SPAST: variants seen among roughly 807,000 people sequenced by gnomAD.
The protein encoded by SPAST is spastin, also known as spastic paraplegia 4 (autosomal dominant; spastin).
Under a neutral mutation model 76.6 loss-of-function variants are expected in SPAST, and 30 were observed. That is an observed-to-expected ratio of 0.39 (90% confidence interval 0.29 to 0.53). The LOEUF is 0.53. Among genes scored for constraint, SPAST ranks in the 20% least tolerant of loss-of-function variants. The pLI is 0.68. For synonymous variants in SPAST, 305 were observed against 281.0 expected (o/e 1.09, Z -0.86); for missense variants, 717 against 770.5 (o/e 0.93, Z 0.82).
intron 4 of SPAST, among the ~76,000 whole-genome samples, chr2:32,103,390 A>G (rs983335832): frequency 2.4e-4 from 37 of 151,852 alleles, no homozygotes; most frequent in Non-Finnish European, 2.2e-4. Flanking sequence ...GCAGTCTATC[A>G]GTTTTGTTGA....
At position 32,101,483 on chromosome 2, in the gene SPAST, A is replaced by T. The variant is rs530855303; in HGVS notation, c.682+2592A>T. Among the ~76,000 whole-genome samples, 836 of 152,134 alleles carry T rather than the reference A, an allele frequency of 5.5e-3. 2 individuals carry two copies. The highest frequency in any genetic ancestry group is 0.01 in the Middle Eastern group (3 of 294). On this transcript the variant is annotated intron_variant, in intron 4 of 16. Coordinates refer to ENST00000315285, the MANE Select transcript of SPAST (RefSeq NM_014946.4). ...TTAGTTTAATTAGATCCCATTTGTC[A>T]ATTTTGGCTTTTGTTGCCATTGCTT...
chr2:32,066,636 C>G (rs1676522271), intron 1 of SPAST, among the ~76,000 whole-genome samples: 1 of 151,800 alleles, frequency 6.6e-6, no homozygotes, highest in Admixed American at 6.6e-5. Context: ...CCACTACACT[C>G]CAGCCTGGGC....
intron 1 of SPAST, among the ~76,000 whole-genome samples, chr2:32,071,711 C>T (rs1166504718): frequency 6.6e-6 from 1 of 152,172 alleles, no homozygotes; most frequent in African/African-American, 2.4e-5. Context: ...TTCTGATTGG[C>T]AATTGGTCAA....
chr2:32,072,871 T>A (rs1426256004), intron 1 of SPAST, among the ~76,000 whole-genome samples: 1 of 152,204 alleles, frequency 6.6e-6, no homozygotes, highest in African/African-American at 2.4e-5. Flanking sequence ...ATGATTCTAC[T>A]TTGAAGTTTC....
intron 12 of SPAST, among the ~76,000 whole-genome samples, chr2:32,138,677 T>C (rs1679620227): frequency 6.6e-6 from 1 of 152,314 alleles, no homozygotes. Context: ...TAGGTCCCAC[T>C]TGTCAATTTT....
intron 3 of SPAST, among the ~76,000 whole-genome samples, chr2:32,096,596 C>G (rs1395003132): frequency 1.3e-5 from 2 of 152,072 alleles, no homozygotes; most frequent in Non-Finnish European, 2.9e-5. Flanking sequence ...ACATATAAAT[C>G]TGAATTCTGT....
chr2:32,115,557 A>G, intron 5 of SPAST, 145 bp from the exon 6 acceptor site: 1 of 590,908 alleles, frequency 1.7e-6, no homozygotes, highest in South Asian at 2.4e-5. Flanking sequence ...TTTTACCTTC[A>G]GGTAAATAAA....
rs1553394618 is a variant in SPAST at position 32,064,180 on chromosome 2, C to G, written c.349C>G (p.Arg117Gly). The G allele has an allele frequency of 1.3e-6, 2 of 1,551,522 alleles. No homozygotes were observed. Among genetic ancestry groups the G allele is most frequent in the South Asian group, 2.4e-5 (2 of 84,364 alleles). The change falls in exon 1 of 17, where the codon CGA (arginine) becomes GGA (glycine). Residue 117 changes from arginine (R) to glycine (G), a missense_variant. Physicochemically the swap from Arg to Gly is moderately radical, Grantham distance 125. Transcript: ENST00000315285. ...GCCGGGCGGCGAGGCCGAGCGCGTC[C>G]GAGTCTTCCACAAACAGGCCTTCGA... ...PVPGGEAERV[R>G]VFHKQAFEYI...
At chr2:32,149,860 T>C (rs992298469) in intron 16 of SPAST, among the ~76,000 whole-genome samples, 36 of 152,252 alleles carry the variant, frequency 2.4e-4, no homozygotes, top group Non-Finnish European at 2.9e-5. Context: ...CGAGAGATAC[T>C]GAGGGACAGC....
At chr2:32,113,754 A>G (rs186552922) in intron 4 of SPAST, among the ~76,000 whole-genome samples, 1 of 150,868 alleles carries the variant, frequency 6.6e-6, no homozygotes, top group African/African-American at 2.4e-5. Context: ...TTTAGCAGAG[A>G]CGAGGTTTCA....
intron 8 of SPAST, 118 bp downstream of exon 8, chr2:32,127,140 C>G: frequency 1.3e-6 from 1 of 773,452 alleles, no homozygotes; most frequent in Non-Finnish European, 2.3e-6. Flanking sequence ...CTATTGTACA[C>G]TTTTGTTTTT....
At chr2:32,098,741 T>G in intron 3 of SPAST, 55 bp from the exon 4 acceptor site, 1 of 1,151,180 alleles carries the variant, frequency 8.7e-7, no homozygotes, top group Non-Finnish European at 1.3e-6. Context: ...TATTTGTTCA[T>G]TATCTTTTTT....
rs1444769127 is a variant in SPAST, at chr2:32,063,581, C to G, written c.-251C>G. The G allele has an allele frequency of 2.0e-6, 1 of 512,148 alleles. No individual in the cohort carries two copies. The allele number at this position is 512,148 out of a possible 1,614,324, so 31.7% of individuals were successfully genotyped here. A position where few individuals can be genotyped will look rare whatever the true frequency, so the allele number is the denominator to read the frequency against. ...GCGGCCGCCGCTGGGAGCCACCAGG[C>G]GGCGGAGAGGACAGCGACAGGAAGG... On this transcript the variant is annotated 5_prime_UTR_variant, in exon 1 of 17. Coordinates refer to ENST00000315285, the MANE Select transcript of SPAST (RefSeq NM_014946.4).
At chr2:32,070,720 C>G (rs1676715193) in intron 1 of SPAST, among the ~76,000 whole-genome samples, 2 of 152,174 alleles carry the variant, frequency 1.3e-5, no homozygotes, top group Non-Finnish European at 2.9e-5. Flanking sequence ...GCTTCAGCCT[C>G]GCAGGCTCAA....
In SPAST at chr2:32,157,607, C is replaced by G. The variant is rs1446511179; in HGVS notation, c.*3111C>G. ...CAGTTGCATAAAGTGGGTTTTTATC[C>G]TAATGTATTGGAAATAAATGATAAA... On this transcript the variant is annotated 3_prime_UTR_variant, in exon 17 of 17. Coordinates refer to ENST00000315285, the MANE Select transcript of SPAST (RefSeq NM_014946.4). 1 of 152,374 alleles carries G rather than the reference C, an allele frequency of 6.6e-6. No individual in the cohort carries two copies. Among genetic ancestry groups the G allele is most frequent in the Non-Finnish European group, 1.5e-5 (1 of 67,994 alleles). The allele number at this position is 152,374 out of a possible 1,614,324, so 9.4% of individuals were successfully genotyped here.
intron 2 of SPAST, among the ~76,000 whole-genome samples, chr2:32,088,822 C>A (rs907571897): frequency 9.9e-5 from 15 of 152,008 alleles, no homozygotes; most frequent in African/African-American, 2.9e-4. Flanking sequence ...GTTATAACAA[C>A]AATATTAATA....
intron 4 of SPAST, among the ~76,000 whole-genome samples, chr2:32,107,213 A>C (rs1196833536): frequency 6.6e-6 from 1 of 152,078 alleles, no homozygotes; most frequent in Non-Finnish European, 1.5e-5. Flanking sequence ...ATGAAATCTG[A>C]AATCCAAAAT....
intron 3 of SPAST, among the ~76,000 whole-genome samples, chr2:32,092,012 T>G (rs1048450015): frequency 4.6e-5 from 7 of 152,166 alleles, no homozygotes; most frequent in African/African-American, 1.7e-4. Context: ...AAAATGTTGG[T>G]TTTTATTTAT....
Position 32,153,903 on chromosome 2 carries a change from C to T in SPAST, c.1729-471C>T, listed in dbSNP as rs1041101010. On this transcript the variant is annotated intron_variant, in intron 16 of 16. Transcript: ENST00000315285. Reference sequence around the variant, plus strand: ...ACCAACCTGGCCATCATGGCGAAACCCTGTCTCTACTAAAAATACAAAAAT... The same window carrying T: ...ACCAACCTGGCCATCATGGCGAAACTCTGTCTCTACTAAAAATACAAAAAT... 1.1e-4 allele frequency among the ~76,000 whole-genome samples: 17 copies of T among 152,188 alleles called. No individual in the cohort carries two copies. In the East Asian group the frequency reaches 3.1e-3, roughly 28 times the overall value.
Sources: gnomAD v4.1 joint callset for allele counts (sites outside exome capture counted in the v4.1 genomes callset) on GRCh38, gnomAD v4.1.1 for gene constraint, MANE v1.5 for transcripts, NCBI Gene and HGNC (gene_info 2026-07-23, HGNC 2026-07-21) for gene names.